TMEM41B: variants seen among roughly 807,000 people sequenced by gnomAD.
TMEM41B encodes the protein protein stasimon.
TMEM41B carries 18 observed loss-of-function variants against 31.9 expected under a neutral mutation model. The ratio of observed to expected loss-of-function variants is 0.56; its 90% CI spans 0.39 to 0.84. The LOEUF (loss-of-function observed/expected upper bound fraction) is 0.84, where lower values mean the gene tolerates loss of function less well. Among genes scored for constraint, TMEM41B ranks in the 40% least tolerant of loss-of-function variants. The pLI, the probability that TMEM41B is intolerant of heterozygous loss-of-function variation, is 0.00. For missense variants in TMEM41B, 322 were observed against 348.0 expected, an observed-to-expected ratio of 0.93 and a Z score of 0.59; for synonymous variants, 144 against 124.3, an observed-to-expected ratio of 1.16 and a Z score of -1.05.
At chr11:9,287,235 G>A (rs988702200) in intron 5 of TMEM41B, among the ~76,000 whole-genome samples, 2 of 151,694 alleles carry the variant, frequency 1.3e-5, no homozygotes, top group Non-Finnish European at 2.9e-5. Flanking sequence ...TGCTTGAACC[G>A]AGGAGGCAGA....
At chr11:9,304,330 C>G (rs1853329405) in intron 1 of TMEM41B, among the ~76,000 whole-genome samples, 1 of 151,956 alleles carries the variant, frequency 6.6e-6, no homozygotes, top group Admixed American at 6.6e-5. Flanking sequence ...CTTGAGGCCT[C>G]CTAATAAGTT....
intron 3 of TMEM41B, among the ~76,000 whole-genome samples, chr11:9,294,409 C>T (rs1003580190): frequency 1.5e-4 from 22 of 151,112 alleles, no homozygotes; most frequent in African/African-American, 5.4e-4. Context: ...ACTGGAGAAT[C>T]GCTTGAACCT....
rs185975690 is a variant in TMEM41B at position 9,287,827 on chromosome 11, T to C, written c.463-21A>G. Reference sequence around the variant, plus strand: ...GAACACTGGAAAACAAAAGAAGCCATAAGCGTTTTGTATTTTTCCGTCTTA... The same window carrying C: ...GAACACTGGAAAACAAAAGAAGCCACAAGCGTTTTGTATTTTTCCGTCTTA... On this transcript the variant is annotated intron_variant, in intron 4 of 6. Transcript: ENST00000528080. 647 of 1,561,322 alleles carry C rather than the reference T, an allele frequency of 4.1e-4. 1 individual carries two copies. Among genetic ancestry groups the C allele is most frequent in the Admixed American group, 9.8e-4 (55 of 55,864 alleles).
chr11:9,304,091 G>A (rs1221732913), intron 1 of TMEM41B, among the ~76,000 whole-genome samples: 1 of 152,074 alleles, frequency 6.6e-6, no homozygotes, highest in Admixed American at 6.5e-5. Flanking sequence ...TAGTACAAAG[G>A]TACCTTCTGA....
chr11:9,288,724 G>T lies in TMEM41B; in HGVS notation c.369-189C>A, dbSNP rs550292262. Among the ~76,000 whole-genome samples, 4 of 152,190 alleles carry T rather than the reference G, an allele frequency of 2.6e-5. No individual in the cohort carries two copies. The East Asian group carries it at 7.7e-4, about 29-fold the overall frequency. ...ACTAGTAAGTGTGTGCTACTAAAAG[G>T]TTTCCAAGACAAAAAACCGTATGTT... On this transcript the variant is annotated intron_variant, in intron 3 of 6. Transcript: ENST00000528080.
rs766435119 is a variant in TMEM41B, at chr11:9,314,468, G to A, written c.-27C>T. ...GCTGCTGCAAGGTGAAGGGAGCGGTGCGGTGCCGCGCCCCCTAAACAACAA... is the reference window on the plus strand; with the variant it reads ...GCTGCTGCAAGGTGAAGGGAGCGGTACGGTGCCGCGCCCCCTAAACAACAA... On this transcript the variant is annotated 5_prime_UTR_variant, in exon 1 of 7. Transcript: ENST00000528080. 2 of 1,540,408 alleles carry A rather than the reference G, an allele frequency of 1.3e-6. No individual in the cohort carries two copies. Among genetic ancestry groups the A allele is most frequent in the African/African-American group, 1.4e-5 (1 of 72,670 alleles).
rs1318226833 is a variant in TMEM41B, at chr11:9,281,681, C to A, written c.*1743G>T. 1 of 152,176 alleles carries A rather than the reference C, an allele frequency of 6.6e-6. No individual in the cohort carries two copies. The highest frequency in any genetic ancestry group is 2.4e-5 in the African/African-American group (1 of 41,452). The allele number at this position is 152,176 out of a possible 1,614,324, so 9.4% of individuals were successfully genotyped here. A position where few individuals can be genotyped will look rare whatever the true frequency, so the allele number is the denominator to read the frequency against. On this transcript the variant is annotated 3_prime_UTR_variant, in exon 7 of 7. Transcript: ENST00000528080. ...TTTACCAAGCAGCAAAAAGCACTTT[C>A]ATTTTTCCAGAACTATTTAAATACA... is the stretch of plus-strand genomic sequence containing the variant.
chr11:9,309,077 G>A (rs1228717488), intron 1 of TMEM41B, among the ~76,000 whole-genome samples: 3 of 152,142 alleles, frequency 2.0e-5, no homozygotes, highest in Non-Finnish European at 4.4e-5. Context: ...GAGATAACCC[G>A]TCTCTACTAA....
chr11:9,303,656 T>C (rs934631557), intron 1 of TMEM41B, among the ~76,000 whole-genome samples: 55 of 140,262 alleles, frequency 3.9e-4, no homozygotes, highest in East Asian at 1.6e-3. Flanking sequence ...TTTTCTTTTT[T>C]TTTTTTTTTT....
chr11:9,295,752 T>G (rs1853070125), intron 2 of TMEM41B, among the ~76,000 whole-genome samples: 1 of 152,178 alleles, frequency 6.6e-6, no homozygotes, highest in Non-Finnish European at 1.5e-5. Context: ...CAGGCTGGTC[T>G]CAAACTCCTG....
intron 6 of TMEM41B, 33 bp downstream of exon 6, chr11:9,286,422 G>T: frequency 6.3e-7 from 1 of 1,589,814 alleles, no homozygotes; most frequent in South Asian, 1.1e-5. Flanking sequence ...TGTACACAGT[G>T]AGCTCATACA....
chr11:9,307,161 C>G (rs902744710), intron 1 of TMEM41B, among the ~76,000 whole-genome samples: 6 of 152,086 alleles, frequency 3.9e-5, no homozygotes, highest in African/African-American at 1.4e-4. Flanking sequence ...ATTCCAATGT[C>G]TACGAGATCT....
rs56313114 is a variant in TMEM41B at position 9,282,940 on chromosome 11, G to GAAAAAAAAAA, written c.*474_*483dup. ...CAGAGCTAGACTCCGTCTCAAAACA[G>GAAAAAAAAAA]AAAAAAAAAAAAAAAAAAAAAGAGG... On this transcript the variant is annotated 3_prime_UTR_variant, in exon 7 of 7. Coordinates refer to ENST00000528080, the MANE Select transcript of TMEM41B (RefSeq NM_015012.4). 9.7e-5 allele frequency: 9 copies of GAAAAAAAAAA among 92,602 alleles called. No homozygotes were observed. Among genetic ancestry groups the GAAAAAAAAAA allele is most frequent in the Admixed American group, 1.3e-4 (1 of 7,692 alleles). The allele number at this position is 92,602 out of a possible 1,614,324, so 5.7% of individuals were successfully genotyped here. A position where few individuals can be genotyped will look rare whatever the true frequency, so the allele number is the denominator to read the frequency against.
intron 1 of TMEM41B, among the ~76,000 whole-genome samples, chr11:9,300,316 T>C (rs1265253980): frequency 6.6e-6 from 1 of 152,138 alleles, no homozygotes; most frequent in Non-Finnish European, 1.5e-5. Flanking sequence ...AATTTTATCA[T>C]ACTGTCAATT....
In TMEM41B at chr11:9,289,803, C is replaced by A. The variant is rs79744038; in HGVS notation, c.369-1268G>T. On this transcript the variant is annotated intron_variant, in intron 3 of 6. Transcript: ENST00000528080. ...CTGCATGAAACATGGCTTCAGTGAA[C>A]TGTACTTTTTCTTCTACATTACAGG... Among the ~76,000 whole-genome samples the A allele has an allele frequency of 2.0e-5, 3 of 152,302 alleles. No homozygotes were observed. The East Asian group carries it at 5.8e-4, about 29-fold the overall frequency.
At chr11:9,286,786 G>A (rs1852846988) in intron 5 of TMEM41B, among the ~76,000 whole-genome samples, 193 bp from the exon 6 acceptor site, 1 of 151,924 alleles carries the variant, frequency 6.6e-6, no homozygotes. Context: ...GATCACCTGA[G>A]GTCAGGAGTT....
chr11:9,293,668 A>C (rs1590376878), intron 3 of TMEM41B, among the ~76,000 whole-genome samples: 1 of 151,630 alleles, frequency 6.6e-6, no homozygotes. Flanking sequence ...TGCAACCTCC[A>C]CCTCCTGGGT....
chr11:9,312,960 A>G (rs1428334598), intron 1 of TMEM41B, among the ~76,000 whole-genome samples: 2 of 71,208 alleles, frequency 2.8e-5, no homozygotes, highest in Admixed American at 2.0e-4. Context: ...TAATGATAAA[A>G]TAAGATTAAA....
At chr11:9,293,536 G>A (rs1853006687) in intron 3 of TMEM41B, among the ~76,000 whole-genome samples, 1 of 152,074 alleles carries the variant, frequency 6.6e-6, no homozygotes, top group South Asian at 2.1e-4. Flanking sequence ...TGTATATTGT[G>A]AGTTAATACC....
Sources: gnomAD v4.1 joint callset for allele counts (sites outside exome capture counted in the v4.1 genomes callset) on GRCh38, gnomAD v4.1.1 for gene constraint, MANE v1.5 for transcripts, NCBI Gene and HGNC (gene_info 2026-07-23, HGNC 2026-07-21) for gene names.